Variants in TSPEAR observed in about 807,000 individuals in gnomAD.
TSPEAR encodes the protein thrombospondin-type laminin G domain and EAR repeat-containing protein.
Under a neutral mutation model 71.6 loss-of-function variants are expected in TSPEAR, and 69 were observed. That is an observed-to-expected ratio of 0.96 (90% CI 0.79 to 1.18). TSPEAR has a LOEUF of 1.18. Ranked by LOEUF, TSPEAR falls within the 50% of genes most tolerant of loss-of-function variation. TSPEAR has a pLI of 0.00. For missense variants in TSPEAR, 971 were observed against 894.9 expected (o/e 1.09, Z -1.09); for synonymous variants, 402 against 387.2 (o/e 1.04, Z -0.45).
chr21:44,655,931 C>T (rs1985118308), intron 1 of TSPEAR, among the ~76,000 whole-genome samples: 1 of 152,092 alleles, frequency 6.6e-6, no homozygotes, highest in African/African-American at 2.4e-5. Context: ...ACAAGTCAGA[C>T]ACCACATTAA....
At chr21:44,572,322 G>T (rs767246742) in intron 1 of TSPEAR, among the ~76,000 whole-genome samples, 3 of 152,206 alleles carry the variant, frequency 2.0e-5, no homozygotes, top group Admixed American at 1.3e-4. Flanking sequence ...GCTGCCTAAA[G>T]ACCGTCCTGG....
chr21:44,606,720 C>T (rs1981339431), intron 1 of TSPEAR, among the ~76,000 whole-genome samples: 1 of 152,134 alleles, frequency 6.6e-6, no homozygotes, highest in Admixed American at 6.5e-5. Flanking sequence ...TCATTTGTGA[C>T]AACTTGAATG....
At chr21:44,528,424 C>T (rs376034466) in intron 6 of TSPEAR, 28 bp downstream of exon 6, 1 of 1,612,926 alleles carries the variant, frequency 6.2e-7, no homozygotes. Flanking sequence ...CCCTGCATGC[C>T]AACGCCCCGG....
At chr21:44,610,024 G>A (rs587670369) in intron 1 of TSPEAR, among the ~76,000 whole-genome samples, 2 of 152,140 alleles carry the variant, frequency 1.3e-5, no homozygotes, top group South Asian at 4.1e-4. Flanking sequence ...GAACTAAGAA[G>A]AGCATCTGGG....
At chr21:44,576,601 A>G (rs1978471229) in intron 1 of TSPEAR, among the ~76,000 whole-genome samples, 1 of 152,226 alleles carries the variant, frequency 6.6e-6, no homozygotes, top group African/African-American at 2.4e-5. Context: ...GCAGAGAGTT[A>G]AAAATAACTC....
intron 1 of TSPEAR, among the ~76,000 whole-genome samples, chr21:44,649,877 C>T (rs1300837820): frequency 6.6e-6 from 1 of 152,196 alleles, no homozygotes; most frequent in Non-Finnish European, 1.5e-5. Flanking sequence ...ACCCAGGCTG[C>T]TCTCATGGCT....
At chr21:44,557,327 C>T (rs587672030) in intron 2 of TSPEAR, among the ~76,000 whole-genome samples, 5 of 152,192 alleles carry the variant, frequency 3.3e-5, no homozygotes, top group Non-Finnish European at 2.9e-5. Flanking sequence ...ACACCATGAG[C>T]GAGAACTGGT....
chr21:44,687,499 A>G lies in TSPEAR; in HGVS notation c.82+23934T>C, dbSNP rs1986914189. Among the ~76,000 whole-genome samples the G allele has an allele frequency of 6.6e-6, 1 of 152,228 alleles. No individual in the cohort carries two copies. Among genetic ancestry groups the G allele is most frequent in the African/African-American group, 2.4e-5 (1 of 41,452 alleles). ...ACACGGCAACAGGAACGCATCGCAG[A>G]AACACCGCGCGGGGTGGGAGAGGCC... On this transcript the variant is annotated intron_variant, in intron 1 of 11. Transcript: ENST00000323084. The surrounding 1 kb of genome is among the most constrained non-coding windows in gnomAD (Gnocchi z 4.4).
intron 1 of TSPEAR, among the ~76,000 whole-genome samples, chr21:44,655,769 G>A (rs765868044): frequency 2.0e-4 from 30 of 152,132 alleles, no homozygotes; most frequent in Non-Finnish European, 3.4e-4. Context: ...TTTATTCTAC[G>A]GTGGTGTCAC....
At chr21:44,576,152 T>C (rs781806507) in intron 1 of TSPEAR, among the ~76,000 whole-genome samples, 16 of 152,224 alleles carry the variant, frequency 1.1e-4, no homozygotes, top group African/African-American at 2.2e-4. Flanking sequence ...AGAATTTCCA[T>C]GCACAGGTGT....
chr21:44,583,450 C>G (rs1275780565), intron 1 of TSPEAR, among the ~76,000 whole-genome samples: 1 of 152,226 alleles, frequency 6.6e-6, no homozygotes, highest in African/African-American at 2.4e-5. Flanking sequence ...CCTGCAGCTC[C>G]GCACTAAGCC....
chr21:44,522,267 C>G (rs984199299), intron 8 of TSPEAR, among the ~76,000 whole-genome samples, 155 bp from the exon 9 acceptor site: 1 of 152,216 alleles, frequency 6.6e-6, no homozygotes, highest in African/African-American at 2.4e-5. Context: ...TTACCTTGAG[C>G]CTCCCGCCCT....
At chr21:44,627,234 C>G (rs782735307) in intron 1 of TSPEAR, 1 of 1,612,828 alleles carries the variant, frequency 6.2e-7, no homozygotes. Flanking sequence ...AGGTGGACGA[C>G]TGCCCAGAGA....
Position 44,676,821 on chromosome 21 carries a change from T to C in TSPEAR, c.82+34612A>G. 5 of 948,010 alleles carry C rather than the reference T, an allele frequency of 5.3e-6. No individual in the cohort carries two copies. The South Asian group carries it at 6.4e-5, about 12-fold the overall frequency. The allele number at this position is 948,010 out of a possible 1,614,324, so 58.7% of individuals were successfully genotyped here. ...CTACAGAGTCAAATGCCCACTTTTC[T>C]TCCAGCGTTTGTTTCTCCAAGGCTA... is the stretch of plus-strand genomic sequence containing the variant. On this transcript the variant is annotated intron_variant, in intron 1 of 11. Transcript: ENST00000323084.
At position 44,591,911 on chromosome 21, in the gene TSPEAR, C is replaced by T. The variant is rs587631268; in HGVS notation, c.83-23906G>A. 11 of 1,605,294 alleles carry T rather than the reference C, an allele frequency of 6.9e-6. No individual in the cohort carries two copies. In the East Asian group the frequency reaches 2.0e-4, roughly 30 times the overall value. ...CAGCCTGATTGGCAGGGGCTGGGCT[C>T]ACAGACCGCCTGGCAGCAGGGGCTG... On this transcript the variant is annotated intron_variant, in intron 1 of 11. Transcript: ENST00000323084.
At chr21:44,571,528 G>C (rs1042474123) in intron 1 of TSPEAR, among the ~76,000 whole-genome samples, 1 of 152,216 alleles carries the variant, frequency 6.6e-6, no homozygotes, top group Non-Finnish European at 1.5e-5. Context: ...AGCACACCTT[G>C]CTCCAGATTT....
At chr21:44,706,094 C>A (rs1159458616) in intron 1 of TSPEAR, among the ~76,000 whole-genome samples, 6 of 152,202 alleles carry the variant, frequency 3.9e-5, no homozygotes, top group Non-Finnish European at 7.3e-5. Context: ...CCCGATAACC[C>A]CCAGCTGCAG....
At chr21:44,527,788 C>T (rs1045436405) in intron 6 of TSPEAR, among the ~76,000 whole-genome samples, 7 of 152,228 alleles carry the variant, frequency 4.6e-5, no homozygotes, top group Admixed American at 6.5e-5. Context: ...ACTGCTTCTA[C>T]GGCAAGTTGT....
intron 1 of TSPEAR, among the ~76,000 whole-genome samples, chr21:44,634,302 G>T (rs1403734042): frequency 6.6e-6 from 1 of 152,124 alleles, no homozygotes; most frequent in African/African-American, 2.4e-5. Context: ...AAATCATAAA[G>T]TTGCACTACA....
Sources: allele counts gnomAD v4.1 joint callset (sites outside exome capture counted in the v4.1 genomes callset), GRCh38; gene constraint gnomAD v4.1.1; non-coding constraint Gnocchi (gnomAD v3.1); transcripts MANE v1.5; gene names NCBI Gene and HGNC (gene_info 2026-07-23, HGNC 2026-07-21).